The following LIMA1 variants were observed in gnomAD, a reference collection of about 807,000 sequenced individuals.
LIMA1 encodes the protein LIM domain and actin-binding protein 1.
Under a neutral mutation model 62.6 loss-of-function variants are expected in LIMA1, and 52 were observed. The ratio of observed to expected loss-of-function variants is 0.83; its 90% confidence interval spans 0.67 to 1.05. The LOEUF (loss-of-function observed/expected upper bound fraction) is 1.05. Ranked by LOEUF, LIMA1 falls within the 50% of genes least tolerant of loss-of-function variation. The probability of loss-of-function intolerance (pLI) is 0.00; values close to 1 mark genes in which losing one functional copy is unlikely to be tolerated. For missense variants in LIMA1, 780 were observed against 902.2 expected, an observed-to-expected ratio of 0.86 and a Z score of 1.74; for synonymous variants, 302 against 317.8, an observed-to-expected ratio of 0.95 and a Z score of 0.53.
rs796097623 is a variant in LIMA1, at chr12:50,240,063, T to TAAAATAAAAC, written c.120-8354_120-8353insGTTTTATTTT. On this transcript the variant is annotated intron_variant, in intron 2 of 10. Transcript: ENST00000341247. ...TAACATAACATAACATAACATAAAA[T>TAAAATAAAAC]AAAAAATTTTTAAAAGGAGCGCCTC... Among the ~76,000 whole-genome samples the TAAAATAAAAC allele has an allele frequency of 4.4e-3, 629 of 144,040 alleles. 5 individuals carry two copies. The highest frequency in any genetic ancestry group is 0.014 in the African/African-American group (551 of 38,106). 94.5% of individuals were successfully genotyped at this position (144,040 alleles called of 152,430 possible).
intron 3 of LIMA1, chr12:50,224,199 G>A (rs1941493213): frequency 6.6e-6 from 1 of 152,030 alleles, no homozygotes; most frequent in Admixed American, 6.6e-5. Context: ...AGAAAGAAAG[G>A]ACAAACAACC....
chr12:50,264,270 A>G (rs952410146), intron 1 of LIMA1, among the ~76,000 whole-genome samples: 1 of 152,188 alleles, frequency 6.6e-6, no homozygotes, highest in African/African-American at 2.4e-5. Context: ...AGGTGATAAA[A>G]TGTTGTAAAA....
At chr12:50,254,821 A>G (rs1437820331) in intron 1 of LIMA1, among the ~76,000 whole-genome samples, 1 of 152,188 alleles carries the variant, frequency 6.6e-6, no homozygotes, top group Non-Finnish European at 1.5e-5. Flanking sequence ...GCACTCTGGG[A>G]GGCTTAGGTG....
In LIMA1 at chr12:50,259,770, A is replaced by C. The variant is rs546744920; in HGVS notation, c.-23-10996T>G. The stretch of plus-strand genomic sequence containing the variant: ...TAGAAACATGAATCTAGACAATAGC[A>C]CAATTGTAACATTGACCAAATTCCC... On this transcript the variant is annotated intron_variant, in intron 1 of 10. Transcript: ENST00000341247. Among the ~76,000 whole-genome samples the C allele has an allele frequency of 2.4e-4, 37 of 152,328 alleles. No homozygotes were observed. The South Asian group carries it at 7.3e-3, about 30-fold the overall frequency.
chr12:50,191,797 G>C (rs959131390), intron 9 of LIMA1, among the ~76,000 whole-genome samples: 2 of 152,024 alleles, frequency 1.3e-5, no homozygotes, highest in Non-Finnish European at 2.9e-5. Context: ...ACTCCAGCCT[G>C]GGCGACAGAG....
chr12:50,189,757 G>T (rs1940709898), intron 9 of LIMA1: 1 of 152,368 alleles, frequency 6.6e-6, no homozygotes, highest in East Asian at 1.9e-4. Flanking sequence ...TGTTGCCCAG[G>T]CTGGAGTACA....
intron 4 of LIMA1, among the ~76,000 whole-genome samples, chr12:50,209,070 G>A (rs1941205665): frequency 6.7e-6 from 1 of 150,156 alleles, no homozygotes; most frequent in Non-Finnish European, 1.5e-5. Flanking sequence ...GGCTCAAGGA[G>A]CCTCGGCCTC....
At chr12:50,212,202 C>T (rs373359062) in intron 4 of LIMA1, among the ~76,000 whole-genome samples, 40 of 152,254 alleles carry the variant, frequency 2.6e-4, no homozygotes, top group African/African-American at 7.9e-4. Context: ...CTTTTCTACA[C>T]CTATCTTCAG....
intron 10 of LIMA1, among the ~76,000 whole-genome samples, chr12:50,178,966 A>ATATTTTTTTTTT (rs56674261): frequency 7.8e-6 from 1 of 128,930 alleles, no homozygotes; most frequent in African/African-American, 2.7e-5. Context: ...ATATATATAT[A>ATATTTTTTTTTT]TTTTTTTTTT....
chr12:50,242,267 G>T (rs974022358), intron 2 of LIMA1, among the ~76,000 whole-genome samples: 1 of 151,740 alleles, frequency 6.6e-6, no homozygotes, highest in Non-Finnish European at 1.5e-5. Flanking sequence ...ACAGAGAAGC[G>T]AAAGAAGAGG....
At chr12:50,257,233 A>G (rs1345530135) in intron 1 of LIMA1, among the ~76,000 whole-genome samples, 1 of 152,188 alleles carries the variant, frequency 6.6e-6, no homozygotes. Context: ...TCCCTCATTT[A>G]TTCAACCATT....
chr12:50,213,898 T>G (rs757598541), intron 4 of LIMA1, among the ~76,000 whole-genome samples: 4 of 152,160 alleles, frequency 2.6e-5, no homozygotes, highest in African/African-American at 2.4e-5. Context: ...GACATGAAAG[T>G]AAGCAGAGAA....
At chr12:50,225,424 T>C (rs1293629432) in intron 3 of LIMA1, among the ~76,000 whole-genome samples, 2 of 152,206 alleles carry the variant, frequency 1.3e-5, no homozygotes, top group Non-Finnish European at 2.9e-5. Context: ...ATATATGTTG[T>C]CTTTTTTTCT....
chr12:50,198,805 CATG>C (rs1940984294), intron 7 of LIMA1, among the ~76,000 whole-genome samples: 1 of 152,188 alleles, frequency 6.6e-6, no homozygotes, highest in African/African-American at 2.4e-5. Context: ...TGGTAGAGAA[CATG>C]ATAATTCCCC....
rs764589976 is a variant in LIMA1, at chr12:50,177,859, A to ATCT, written c.1482_1484dup (p.Glu494dup). On this transcript the variant is annotated inframe_insertion, in exon 11 of 11. Coordinates refer to ENST00000341247, the MANE Select transcript of LIMA1 (RefSeq NM_016357.5). Reference sequence around the variant, plus strand: ...GGACACCCACCTTAGCAATAGGGGCATCTTCTACCCCTGGGCTGTGAGGGG... The same window carrying ATCT: ...GGACACCCACCTTAGCAATAGGGGCATCTTCTTCTACCCCTGGGCTGTGAGGGG... 6.2e-7 allele frequency: 1 copy of ATCT among 1,613,304 alleles called. No individual in the cohort carries two copies. Among genetic ancestry groups the ATCT allele is most frequent in the Non-Finnish European group, 8.5e-7 (1 of 1,179,652 alleles).
At chr12:50,204,346 G>A (rs1222312978) in intron 6 of LIMA1, 3 of 461,280 alleles carry the variant, frequency 6.5e-6, no homozygotes, top group Non-Finnish European at 1.1e-5. Flanking sequence ...TGAGTGGGGT[G>A]GGAACCAGGA....
intron 3 of LIMA1, 52 bp from the exon 4 acceptor site, chr12:50,222,537 A>G (rs1371955115): frequency 1.2e-6 from 2 of 1,612,108 alleles, no homozygotes; most frequent in Admixed American, 3.3e-5. Flanking sequence ...TGAAACATTC[A>G]AACATGTTGT....
rs1940335338 is a variant in LIMA1 at position 50,176,403 on chromosome 12, C to T, written c.*661G>A. 6.6e-6 allele frequency: 1 copy of T among 152,120 alleles called. No homozygotes were observed. Among genetic ancestry groups the T allele is most frequent in the Non-Finnish European group, 1.5e-5 (1 of 68,026 alleles). The allele number at this position is 152,120 out of a possible 1,614,324, so 9.4% of individuals were successfully genotyped here. A position where few individuals can be genotyped will look rare whatever the true frequency, so the allele number is the denominator to read the frequency against. On this transcript the variant is annotated 3_prime_UTR_variant, in exon 11 of 11. Coordinates refer to ENST00000341247, the MANE Select transcript of LIMA1 (RefSeq NM_016357.5). ...GGAGACAGCAGATCTCTCTAAGCACCGAAGAGTGTAGGTTGGTTTTTCAAT... is the reference window on the plus strand; with the variant it reads ...GGAGACAGCAGATCTCTCTAAGCACTGAAGAGTGTAGGTTGGTTTTTCAAT...
In LIMA1 at chr12:50,176,904, TGTTTTG is replaced by T; in HGVS notation, c.*154_*159del. 1.6e-6 allele frequency: 1 copy of T among 610,558 alleles called. No individual in the cohort carries two copies. Among genetic ancestry groups the T allele is most frequent in the Non-Finnish European group, 2.7e-6 (1 of 366,188 alleles). 37.8% of individuals were successfully genotyped at this position (610,558 alleles called of 1,614,324 possible). On this transcript the variant is annotated 3_prime_UTR_variant, in exon 11 of 11. Coordinates refer to ENST00000341247, the MANE Select transcript of LIMA1 (RefSeq NM_016357.5). Reference sequence around the variant, plus strand: ...TTAGAATGTGTTTTTTGTGTTTTTTTGTTTTGTTTTTGATTTTAAGAAGGAATTCTT... The same window carrying T: ...TTAGAATGTGTTTTTTGTGTTTTTTTTTTTTGATTTTAAGAAGGAATTCTT...
Sources: allele counts gnomAD v4.1 joint callset (sites outside exome capture counted in the v4.1 genomes callset), GRCh38; gene constraint gnomAD v4.1.1; transcripts MANE v1.5; gene names NCBI Gene and HGNC (gene_info 2026-07-23, HGNC 2026-07-21).